AKAP19: variants seen among roughly 807,000 people sequenced by gnomAD.
AKAP19 encodes the protein A-kinase anchoring protein 19, also known as small A-kinase anchoring protein.
the AKAP19 span, among the ~76,000 whole-genome samples, chr2:189,922,274 G>A: frequency 6.6e-6 from 1 of 152,144 alleles, no homozygotes; most frequent in South Asian, 2.1e-4. Context: ...CTTTTGCTGT[G>A]GCTGGTCATT....
At chr2:190,111,696 G>A in the AKAP19 span, among the ~76,000 whole-genome samples, 1 of 152,014 alleles carries the variant, frequency 6.6e-6, no homozygotes, top group Non-Finnish European at 1.5e-5. Flanking sequence ...GAAAGAGAGA[G>A]ATGTCAAGAG....
chr2:190,114,478 C>T, the AKAP19 span, among the ~76,000 whole-genome samples: 2 of 152,252 alleles, frequency 1.3e-5, no homozygotes, highest in African/African-American at 2.4e-5. Context: ...GTTTTTGAGA[C>T]GGAGTCTCGC....
chr2:189,927,736 AT>A, the AKAP19 span, among the ~76,000 whole-genome samples: 2 of 152,204 alleles, frequency 1.3e-5, no homozygotes, highest in Non-Finnish European at 2.9e-5. Flanking sequence ...GGAAATTAAC[AT>A]TGATATAGTA....
the AKAP19 span, among the ~76,000 whole-genome samples, chr2:189,991,273 C>T: frequency 7.9e-5 from 12 of 152,158 alleles, no homozygotes; most frequent in Non-Finnish European, 4.4e-5. Flanking sequence ...AAACTCCATA[C>T]TGTTTTTGAT....
the AKAP19 span, among the ~76,000 whole-genome samples, chr2:190,092,325 G>A: frequency 1.3e-5 from 2 of 151,746 alleles, no homozygotes; most frequent in African/African-American, 4.8e-5. Context: ...CTGCCCTTAG[G>A]TCAAAATGAC....
chr2:189,901,700 G>T, the AKAP19 span, among the ~76,000 whole-genome samples: 1 of 152,072 alleles, frequency 6.6e-6, no homozygotes, highest in African/African-American at 2.4e-5. Flanking sequence ...AGGAACATGG[G>T]TATTTACCTT....
At chr2:190,199,954 G>T in the AKAP19 span, 14 of 1,614,016 alleles carry the variant, frequency 8.7e-6, no homozygotes, top group Non-Finnish European at 1.1e-5. Flanking sequence ...TATGCCAGAA[G>T]AGAGATGTCT....
At chr2:189,883,969 A>G in the AKAP19 span, among the ~76,000 whole-genome samples, 1 of 152,188 alleles carries the variant, frequency 6.6e-6, no homozygotes, top group Non-Finnish European at 1.5e-5. Flanking sequence ...TTTATAAAGA[A>G]CTTAAATATT....
chr2:190,178,376 C>T, the AKAP19 span, among the ~76,000 whole-genome samples: 1 of 152,264 alleles, frequency 6.6e-6, no homozygotes, highest in South Asian at 2.1e-4. The surrounding 1 kb of genome is among the most constrained non-coding windows in gnomAD (Gnocchi z 6.3). Flanking sequence ...CCTGTTCACA[C>T]TGGCCTGGAC....
the AKAP19 span, among the ~76,000 whole-genome samples, chr2:189,905,122 C>A: frequency 2.0e-5 from 3 of 151,780 alleles, no homozygotes; most frequent in African/African-American, 7.3e-5. Flanking sequence ...TTGTTAAAGT[C>A]TTTGATAAAG....
At chr2:189,979,841 G>T in the AKAP19 span, among the ~76,000 whole-genome samples, 4 of 152,194 alleles carry the variant, frequency 2.6e-5, no homozygotes, top group South Asian at 8.3e-4. Flanking sequence ...CTAACCATCA[G>T]AGAAACACAA....
the AKAP19 span, among the ~76,000 whole-genome samples, chr2:189,886,096 A>G: frequency 1.3e-5 from 2 of 152,184 alleles, no homozygotes; most frequent in Non-Finnish European, 2.9e-5. Context: ...GGCATAAGTC[A>G]CTGTGCCCAG....
At chr2:190,061,281 C>G in the AKAP19 span, among the ~76,000 whole-genome samples, 3 of 151,964 alleles carry the variant, frequency 2.0e-5, no homozygotes, top group Non-Finnish European at 4.4e-5. Context: ...AGCAAGATAA[C>G]AGGTAACACA....
chr2:189,887,920 G>C, the AKAP19 span, among the ~76,000 whole-genome samples: 24 of 152,166 alleles, frequency 1.6e-4, no homozygotes, highest in African/African-American at 5.8e-4. Flanking sequence ...TGTTCACTCT[G>C]ATGATAGTTT....
the AKAP19 span, among the ~76,000 whole-genome samples, chr2:190,117,662 G>A: frequency 6.6e-6 from 1 of 152,202 alleles, no homozygotes. Flanking sequence ...CCAATCTAAA[G>A]TTCTATCCAA....
At chr2:189,953,648 A>AC in the AKAP19 span, among the ~76,000 whole-genome samples, 46 of 149,858 alleles carry the variant, frequency 3.1e-4, no homozygotes, top group Middle Eastern at 3.5e-3. Flanking sequence ...AAAAAAAAAA[A>AC]AAAAAAAAAA....
the AKAP19 span, among the ~76,000 whole-genome samples, chr2:189,902,259 A>G: frequency 6.6e-6 from 1 of 151,846 alleles, no homozygotes; most frequent in Non-Finnish European, 1.5e-5. Context: ...CTTGTTCTTA[A>G]TTATCCTATC....
the AKAP19 span, among the ~76,000 whole-genome samples, chr2:190,132,504 C>T: frequency 2.6e-5 from 4 of 152,160 alleles, no homozygotes; most frequent in Admixed American, 6.5e-5. Flanking sequence ...TTATTTTTGG[C>T]AAAGATGTCA....
chr2:189,905,700 C>T, the AKAP19 span, among the ~76,000 whole-genome samples: 8,460 of 152,002 alleles, frequency 0.056, 410 homozygotes, highest in African/African-American at 0.12. Flanking sequence ...ATTAGCAGTA[C>T]GAAGCTTTCA....
Sources: allele counts gnomAD v4.1 joint callset (sites outside exome capture counted in the v4.1 genomes callset), GRCh38; gene constraint gnomAD v4.1.1; non-coding constraint Gnocchi (gnomAD v3.1); transcripts MANE v1.5; gene names NCBI Gene and HGNC (gene_info 2026-07-23, HGNC 2026-07-21).